RAMP3: variants seen among roughly 807,000 people sequenced by gnomAD.
RAMP3 encodes the protein receptor activity-modifying protein 3.
In RAMP3, 14 loss-of-function variants were observed where a neutral mutation model predicts 13.5. That is an observed-to-expected ratio of 1.04 (90% confidence interval 0.69 to 1.63). The LOEUF (loss-of-function observed/expected upper bound fraction) is 1.63, where lower values mean the gene tolerates loss of function less well. RAMP3 is among the 40% of genes most tolerant of loss of function. RAMP3 has a pLI of 0.00. For missense variants in RAMP3, 200 were observed against 204.8 expected (o/e 0.98, Z 0.14); for synonymous variants, 106 against 88.3 (o/e 1.20, Z -1.12).
intron 2 of RAMP3, among the ~76,000 whole-genome samples, chr7:45,178,597 T>C (rs1179243913): frequency 6.6e-6 from 1 of 152,178 alleles, no homozygotes; most frequent in Non-Finnish European, 1.5e-5. Context: ...TGGAATGGAA[T>C]TCTGAGTCTG....
At chr7:45,174,336 G>A (rs2128657475) in intron 1 of RAMP3, among the ~76,000 whole-genome samples, 1 of 152,264 alleles carries the variant, frequency 6.6e-6, no homozygotes, top group South Asian at 2.1e-4. Context: ...GGGTCCTCAG[G>A]GACCTCCTGA....
At chr7:45,157,908 C>T (rs1344880586) in intron 1 of RAMP3, 22 bp downstream of exon 1, 2 of 1,347,048 alleles carry the variant, frequency 1.5e-6, no homozygotes, top group Non-Finnish European at 1.9e-6. Context: ...ACGGCCCGCA[C>T]CGGGGGCGCC....
intron 2 of RAMP3, among the ~76,000 whole-genome samples, chr7:45,179,156 G>A (rs1437304782): frequency 6.6e-6 from 1 of 152,198 alleles, no homozygotes; most frequent in East Asian, 1.9e-4. Context: ...GGAGGCTGGA[G>A]AGAGCGGCTG....
chr7:45,163,822 C>T (rs1020934961), intron 1 of RAMP3: 60 of 985,250 alleles, frequency 6.1e-5, no homozygotes, highest in African/African-American at 1.2e-4. Flanking sequence ...GAGGGTGGCA[C>T]GGTCAAGCTT....
intron 2 of RAMP3, among the ~76,000 whole-genome samples, chr7:45,180,060 G>C (rs549591889): frequency 6.6e-6 from 1 of 152,246 alleles, no homozygotes; most frequent in African/African-American, 2.4e-5. Flanking sequence ...CGAAAATACT[G>C]TCAGACGTGT....
At chr7:45,165,359 A>G (rs1324907234) in intron 1 of RAMP3, among the ~76,000 whole-genome samples, 1 of 152,232 alleles carries the variant, frequency 6.6e-6, no homozygotes, top group Non-Finnish European at 1.5e-5. Context: ...GAAAAATTCT[A>G]TATATTTACT....
intron 1 of RAMP3, among the ~76,000 whole-genome samples, chr7:45,169,634 A>C (rs1332673756): frequency 6.6e-6 from 1 of 152,208 alleles, no homozygotes; most frequent in Admixed American, 6.5e-5. Context: ...TGGTGGCCCC[A>C]GGTGTTCCTT....
intron 1 of RAMP3, chr7:45,163,207 G>T (rs1785896653): frequency 1.0e-6 from 1 of 985,416 alleles, no homozygotes; most frequent in South Asian, 4.7e-5. Context: ...TGCTGGGTCT[G>T]TCCTATCTCT....
chr7:45,183,249 G>C lies in RAMP3; in HGVS notation c.284G>C (p.Gly95Ala). Reference sequence around the variant, plus strand: ...CCCCTGGCCCAGGGCTTCATCACCGGCATCCACAGGCAGTTCTTCTCCAAC... The same window carrying C: ...CCCCTGGCCCAGGGCTTCATCACCGCCATCCACAGGCAGTTCTTCTCCAAC... ...PNPLAQGFIT[G>A]IHRQFFSNCT... Residue 95 changes from glycine to alanine, a missense_variant, in exon 3 of 3, where the codon GGC becomes GCC. Transcript: ENST00000242249. 6.2e-7 allele frequency: 1 copy of C among 1,613,908 alleles called. No homozygotes were observed. Among genetic ancestry groups the C allele is most frequent in the Non-Finnish European group, 8.5e-7 (1 of 1,180,020 alleles).
chr7:45,159,216 G>A (rs6943334), intron 1 of RAMP3, among the ~76,000 whole-genome samples: 48,756 of 152,122 alleles, frequency 0.32, 10,325 homozygotes, highest in African/African-American at 0.6. Flanking sequence ...ATGGGTTCAC[G>A]CTCCCTGGCC....
chr7:45,183,062 A>G lies in RAMP3; in HGVS notation c.192-95A>G, dbSNP rs1584080561. The G allele has an allele frequency of 1.9e-6, 3 of 1,539,550 alleles. No individual in the cohort carries two copies. In the Admixed American group the frequency reaches 5.2e-5, roughly 27 times the overall value. On this transcript the variant is annotated intron_variant, in intron 2 of 2. Transcript: ENST00000242249. ...TGAATAGGTGGCCAAATGGGACTGT[A>G]CCCAAGCCACCCCACCCATCTTCCT... is the stretch of plus-strand genomic sequence containing the variant.
intron 1 of RAMP3, among the ~76,000 whole-genome samples, chr7:45,172,854 G>T (rs1786107950): frequency 6.6e-6 from 1 of 152,168 alleles, no homozygotes; most frequent in African/African-American, 2.4e-5. Flanking sequence ...GTTTAAACTT[G>T]GGGTTTCCCT....
intron 1 of RAMP3, among the ~76,000 whole-genome samples, chr7:45,162,415 C>T (rs1785882901): frequency 6.6e-6 from 1 of 152,172 alleles, no homozygotes; most frequent in South Asian, 2.1e-4. Flanking sequence ...GCCCTCAGGG[C>T]AAGGAGGTGA....
At position 45,177,453 on chromosome 7, in the gene RAMP3, T is replaced by C. The variant is rs370591598; in HGVS notation, c.191+12T>C. 1.9e-6 allele frequency: 3 copies of C among 1,613,894 alleles called. No individual in the cohort carries two copies. In the African/African-American group the frequency reaches 4.0e-5, roughly 22 times the overall value. On this transcript the variant is annotated intron_variant, in intron 2 of 2. Coordinates refer to ENST00000242249, the MANE Select transcript of RAMP3 (RefSeq NM_005856.3). ...TCCGAGTTCATCGTGTGAGTGCCAC[T>C]GCTGGGCGTGGGATTTGCTCTGACC...
At chr7:45,178,225 T>G (rs1229283728) in intron 2 of RAMP3, among the ~76,000 whole-genome samples, 1 of 152,164 alleles carries the variant, frequency 6.6e-6, no homozygotes, top group African/African-American at 2.4e-5. Context: ...TCAGGTGTAA[T>G]TGTGGACAAC....
At chr7:45,166,326 C>T (rs927759590) in intron 1 of RAMP3, among the ~76,000 whole-genome samples, 5 of 152,052 alleles carry the variant, frequency 3.3e-5, no homozygotes, top group Non-Finnish European at 5.9e-5. Context: ...TGTGCTATCA[C>T]GTCTGACTGC....
chr7:45,157,940 G>T, intron 1 of RAMP3, 54 bp downstream of exon 1: 1 of 1,302,672 alleles, frequency 7.7e-7, no homozygotes, highest in Non-Finnish European at 9.8e-7. Flanking sequence ...GGGTTCACCG[G>T]ACCCGGGTGG....
chr7:45,184,079 G>A lies in RAMP3; in HGVS notation c.*667G>A, dbSNP rs568241591. 1.2e-5 allele frequency: 5 copies of A among 400,962 alleles called. No individual in the cohort carries two copies. In the Admixed American group the frequency reaches 2.2e-4, roughly 17 times the overall value. The allele number at this position is 400,962 out of a possible 1,614,324, so 24.8% of individuals were successfully genotyped here. On this transcript the variant is annotated 3_prime_UTR_variant, in exon 3 of 3. Coordinates refer to ENST00000242249, the MANE Select transcript of RAMP3 (RefSeq NM_005856.3). The stretch of plus-strand genomic sequence containing the variant: ...TGTCCATGACCAGAGGCTGGAGTGG[G>A]GGTGTGTTAGAGCCCCTCACCGGGA...
rs1235258994 is a variant in RAMP3 at position 45,158,015 on chromosome 7, A to G, written c.58+129A>G. 22 of 922,786 alleles carry G rather than the reference A, an allele frequency of 2.4e-5. No homozygotes were observed. In the East Asian group the frequency reaches 6.6e-4, roughly 28 times the overall value. The allele number at this position is 922,786 out of a possible 1,614,324, so 57.2% of individuals were successfully genotyped here. A position where few individuals can be genotyped will look rare whatever the true frequency, so the allele number is the denominator to read the frequency against. ...GCCCCGGAGCTCGGGAGGGGCGCAC[A>G]GTGACCCTGGCGGGATTCCCAGGCT... On this transcript the variant is annotated intron_variant, in intron 1 of 2. Transcript: ENST00000242249.
Sources: allele counts gnomAD v4.1 joint callset (sites outside exome capture counted in the v4.1 genomes callset), GRCh38; gene constraint gnomAD v4.1.1; transcripts MANE v1.5; gene names NCBI Gene and HGNC (gene_info 2026-07-23, HGNC 2026-07-21).